The following CACNB2 variants were observed in gnomAD, a reference collection of about 807,000 sequenced individuals.
CACNB2 encodes voltage-dependent L-type calcium channel subunit beta-2.
Under a neutral mutation model 73.3 loss-of-function variants are expected in CACNB2, and 42 were observed. The ratio of observed to expected loss-of-function variants is 0.57; its 90% CI spans 0.45 to 0.74. The LOEUF (loss-of-function observed/expected upper bound fraction) is 0.74, where lower values mean the gene tolerates loss of function less well. Ranked by LOEUF, CACNB2 falls within the 30% of genes least tolerant of loss-of-function variation. The pLI is 0.00. For missense variants in CACNB2, 940 were observed against 853.0 expected (o/e 1.10, Z -1.27); for synonymous variants, 348 against 310.3 (o/e 1.12, Z -1.28).
intron 5 of CACNB2, among the ~76,000 whole-genome samples, chr10:18,505,788 A>G (rs2050456508): frequency 6.6e-6 from 1 of 152,234 alleles, no homozygotes; most frequent in African/African-American, 2.4e-5. Context: ...ACTGCAGTAT[A>G]TCATATCAAA....
intron 2 of CACNB2, among the ~76,000 whole-genome samples, chr10:18,368,806 A>G (rs752152979): frequency 1.3e-5 from 2 of 152,182 alleles, no homozygotes; most frequent in Admixed American, 6.5e-5. Flanking sequence ...TCTTTTTTAC[A>G]TAATTTCAGA....
At chr10:18,501,580 CG>C (rs2050195473) in intron 5 of CACNB2, among the ~76,000 whole-genome samples, 1 of 152,222 alleles carries the variant, frequency 6.6e-6, no homozygotes, top group Admixed American at 6.5e-5. Context: ...AAAGGCTTCT[CG>C]TAGATGTACT....
At chr10:18,478,639 G>T (rs1425086925) in intron 3 of CACNB2, among the ~76,000 whole-genome samples, 1 of 152,204 alleles carries the variant, frequency 6.6e-6, no homozygotes. Flanking sequence ...GAGAATCTCA[G>T]ATTACTTATT....
intron 2 of CACNB2, among the ~76,000 whole-genome samples, chr10:18,232,223 C>G (rs1367418764): frequency 6.6e-6 from 1 of 152,116 alleles, no homozygotes; most frequent in Non-Finnish European, 1.5e-5. Flanking sequence ...GTGTCCATGG[C>G]ACTTTATATG....
chr10:18,155,479 C>T (rs1177852945), intron 2 of CACNB2, among the ~76,000 whole-genome samples: 1 of 152,182 alleles, frequency 6.6e-6, no homozygotes. Context: ...AGACATTGGG[C>T]CATTTCCAGT....
chr10:18,158,119 A>G (rs1361704464), intron 2 of CACNB2, among the ~76,000 whole-genome samples: 1 of 152,154 alleles, frequency 6.6e-6, no homozygotes, highest in African/African-American at 2.4e-5. Context: ...GTCCTTTTTG[A>G]AAAGAAAAAT....
rs1164415120 is a variant in CACNB2 at position 18,539,047 on chromosome 10, A to C, written c.1489-183A>C. 11 of 692,228 alleles carry C rather than the reference A, an allele frequency of 1.6e-5. 1 individual carries two copies. In the Admixed American group the frequency reaches 1.7e-4, roughly 11 times the overall value. The allele number at this position is 692,228 out of a possible 1,614,324, so 42.9% of individuals were successfully genotyped here. The stretch of plus-strand genomic sequence containing the variant: ...CTAGGCACTTACAAAAGTCCAATTT[A>C]ATATAGTATAGTATAAAGCCTTATA... On this transcript the variant is annotated intron_variant, in intron 13 of 13. Coordinates refer to ENST00000324631, the MANE Select transcript of CACNB2 (RefSeq NM_201596.3).
intron 2 of CACNB2, chr10:18,260,822 C>T (rs1368489332): frequency 9.8e-7 from 1 of 1,021,932 alleles, no homozygotes; most frequent in Non-Finnish European, 1.2e-6. Flanking sequence ...AGGCCTCCTG[C>T]TTTTCAAAAG....
chr10:18,443,464 T>C (rs2046576735), intron 3 of CACNB2, among the ~76,000 whole-genome samples: 1 of 152,114 alleles, frequency 6.6e-6, no homozygotes, highest in Non-Finnish European at 1.5e-5. Flanking sequence ...GCCGGGCTTC[T>C]CCTGCTATGG....
chr10:18,416,930 A>G (rs1295989914), intron 3 of CACNB2, among the ~76,000 whole-genome samples: 1 of 151,726 alleles, frequency 6.6e-6, no homozygotes, highest in Non-Finnish European at 1.5e-5. Flanking sequence ...GAATTAGGGC[A>G]AGGACCCAGG....
intron 3 of CACNB2, among the ~76,000 whole-genome samples, chr10:18,405,169 T>G (rs1313042519): frequency 6.6e-6 from 1 of 152,216 alleles, no homozygotes; most frequent in African/African-American, 2.4e-5. Context: ...GTTTTTAGTA[T>G]GTTCAGAGGT....
At position 18,454,014 on chromosome 10, in the gene CACNB2, C is replaced by G. The variant is rs149762033; in HGVS notation, c.334-44341C>G. Among the ~76,000 whole-genome samples, 6 of 152,164 alleles carry G rather than the reference C, an allele frequency of 3.9e-5. No homozygotes were observed. The East Asian group carries it at 7.7e-4, about 20-fold the overall frequency. ...TGTGTTTCACTTGTTTCTGATTGTA[C>G]TCCCAGGAACAAGCCCAGCGCCTTT... On this transcript the variant is annotated intron_variant, in intron 3 of 13. Coordinates refer to ENST00000324631, the MANE Select transcript of CACNB2 (RefSeq NM_201596.3).
chr10:18,260,819 C>A (rs2037501565), intron 2 of CACNB2: 2 of 1,022,062 alleles, frequency 2.0e-6, no homozygotes, highest in Non-Finnish European at 2.3e-6. Flanking sequence ...AGTAGGCCTC[C>A]TGCTTTTCAA....
Position 18,141,484 on chromosome 10 carries a change from G to A in CACNB2, c.120+628G>A, listed in dbSNP as rs761763859. 4.6e-5 allele frequency among the ~76,000 whole-genome samples: 7 copies of A among 152,226 alleles called. No individual in the cohort carries two copies. In the East Asian group the frequency reaches 1.3e-3, roughly 29 times the overall value. Reference sequence around the variant, plus strand: ...ACCTCATGCCTTTCCCTTAAGAAGCGAGTGAGCTGGGGACAAGAAAGTTTT... The same window carrying A: ...ACCTCATGCCTTTCCCTTAAGAAGCAAGTGAGCTGGGGACAAGAAAGTTTT... On this transcript the variant is annotated intron_variant, in intron 1 of 13. Transcript: ENST00000324631.
chr10:18,437,392 C>G lies in CACNB2; in HGVS notation c.333+35349C>G, dbSNP rs528148643. Among the ~76,000 whole-genome samples the G allele has an allele frequency of 7.2e-5, 11 of 152,284 alleles. No homozygotes were observed. The South Asian group carries it at 2.1e-3, about 29-fold the overall frequency. On this transcript the variant is annotated intron_variant, in intron 3 of 13. Coordinates refer to ENST00000324631, the MANE Select transcript of CACNB2 (RefSeq NM_201596.3). ...GCCAAAATCCATGTGTAACTTTTGA[C>G]TCCTAAAAAAACCAAATAGCGTATC...
chr10:18,255,204 C>T (rs1403198830), intron 2 of CACNB2, among the ~76,000 whole-genome samples: 4 of 152,132 alleles, frequency 2.6e-5, no homozygotes, highest in Non-Finnish European at 5.9e-5. Flanking sequence ...CATGATCTTG[C>T]CTGATAATCA....
At chr10:18,278,327 T>A (rs1311754679) in intron 2 of CACNB2, among the ~76,000 whole-genome samples, 2 of 151,604 alleles carry the variant, frequency 1.3e-5, no homozygotes. Context: ...CCAGAAAAGA[T>A]TTAATGTGGT....
At position 18,367,041 on chromosome 10, in the gene CACNB2, T is replaced by C. The variant is rs140813271; in HGVS notation, c.214-34883T>C. Among the ~76,000 whole-genome samples, 1,017 of 152,282 alleles carry C rather than the reference T, an allele frequency of 6.7e-3. 12 individuals carry two copies. The highest frequency in any genetic ancestry group is 0.023 in the African/African-American group (975 of 41,560). On this transcript the variant is annotated intron_variant, in intron 2 of 13. Transcript: ENST00000324631. Reference sequence around the variant, plus strand: ...GACATGCTGAGAATTTACTTCGAGGTGTGTACGAAACATGTACTACGATGA... The same window carrying C: ...GACATGCTGAGAATTTACTTCGAGGCGTGTACGAAACATGTACTACGATGA...
At chr10:18,279,842 G>A (rs1588923114) in intron 2 of CACNB2, among the ~76,000 whole-genome samples, 1 of 152,230 alleles carries the variant, frequency 6.6e-6, no homozygotes, top group East Asian at 1.9e-4. Flanking sequence ...CACTTTGGGA[G>A]GCTGAGGTGG....
Sources: gnomAD v4.1 joint callset for allele counts (sites outside exome capture counted in the v4.1 genomes callset) on GRCh38, gnomAD v4.1.1 for gene constraint, MANE v1.5 for transcripts, NCBI Gene and HGNC (gene_info 2026-07-23, HGNC 2026-07-21) for gene names.